Variants in MAP2K6 observed in about 807,000 individuals in gnomAD.
MAP2K6 encodes dual specificity mitogen-activated protein kinase kinase 6.
In MAP2K6, 16 loss-of-function variants were observed where a neutral mutation model predicts 53.7. That is an observed-to-expected ratio of 0.30 (90% CI 0.20 to 0.45). MAP2K6 has a LOEUF of 0.45. Ranked by LOEUF, MAP2K6 falls within the 20% of genes least tolerant of loss-of-function variation. The probability of loss-of-function intolerance (pLI) is 1.00; values close to 1 mark genes in which losing one functional copy is unlikely to be tolerated. For missense variants in MAP2K6, 204 were observed against 411.9 expected (o/e 0.50, Z 4.37); for synonymous variants, 132 against 143.1 (o/e 0.92, Z 0.55).
At chr17:69,526,731 A>C in intron 10 of MAP2K6, 22 bp downstream of exon 10, 1 of 1,606,510 alleles carries the variant, frequency 6.2e-7, no homozygotes, top group South Asian at 1.1e-5. Flanking sequence ...TCACCTCCCA[A>C]GTGTCAGTGT....
intron 2 of MAP2K6, among the ~76,000 whole-genome samples, chr17:69,514,453 A>G (rs923254257): frequency 2.0e-5 from 3 of 152,196 alleles, no homozygotes; most frequent in African/African-American, 7.2e-5. Context: ...TTAAGTTAGT[A>G]TAAGAAACTT....
intron 1 of MAP2K6, among the ~76,000 whole-genome samples, chr17:69,491,641 C>T (rs1908756689): frequency 6.6e-6 from 1 of 152,094 alleles, no homozygotes; most frequent in African/African-American, 2.4e-5. Context: ...GAGGAATAGC[C>T]ACACTGCTTT....
chr17:69,540,630 A>G (rs1315643733), intron 11 of MAP2K6, among the ~76,000 whole-genome samples: 1 of 152,218 alleles, frequency 6.6e-6, no homozygotes, highest in Non-Finnish European at 1.5e-5. Flanking sequence ...ATCACATACC[A>G]TGCTTGTTCC....
At chr17:69,432,234 A>G (rs1906486101) in intron 1 of MAP2K6, among the ~76,000 whole-genome samples, 2 of 152,260 alleles carry the variant, frequency 1.3e-5, no homozygotes, top group African/African-American at 4.8e-5. Flanking sequence ...AAGGTTACAT[A>G]CTATTGATCA....
In MAP2K6 at chr17:69,551,249, CA is replaced by C. The variant is rs1384770333; in HGVS notation, c.*9497del. 6.6e-6 allele frequency: 1 copy of C among 152,192 alleles called. No homozygotes were observed. Among genetic ancestry groups the C allele is most frequent in the East Asian group, 1.9e-4 (1 of 5,192 alleles). The allele number at this position is 152,192 out of a possible 1,614,324, so 9.4% of individuals were successfully genotyped here. A position where few individuals can be genotyped will look rare whatever the true frequency, so the allele number is the denominator to read the frequency against. ...ATCCTTTGGACAATGTTGACACAGA[CA>C]GGGGTACGGTCTGAGACTCAAGCTA... On this transcript the variant is annotated 3_prime_UTR_variant, in exon 12 of 12. Transcript: ENST00000590474.
At position 69,473,604 on chromosome 17, in the gene MAP2K6, C is replaced by T. The variant is rs1908049006; in HGVS notation, c.17-32176C>T. On this transcript the variant is annotated intron_variant, in intron 1 of 11. Coordinates refer to ENST00000590474, the MANE Select transcript of MAP2K6 (RefSeq NM_002758.4). The stretch of plus-strand genomic sequence containing the variant: ...TATTTATTTTTCAAGGTAAATTTTT[C>T]TTTAAGCATCAGTGGTAAAATTACT... Among the ~76,000 whole-genome samples, 2 of 152,002 alleles carry T rather than the reference C, an allele frequency of 1.3e-5. 1 individual carries two copies. The highest frequency in any genetic ancestry group is 4.1e-4 in the South Asian group (2 of 4,826).
At chr17:69,520,431 A>C in intron 6 of MAP2K6, 45 bp downstream of exon 6, 1 of 1,177,960 alleles carries the variant, frequency 8.5e-7, no homozygotes, top group Non-Finnish European at 1.2e-6. Context: ...GTGAGAAATA[A>C]AGTCCCTATG....
At chr17:69,512,357 T>TTTTTTTTTTTTTTTA (rs1909890552) in intron 2 of MAP2K6, among the ~76,000 whole-genome samples, 1 of 137,394 alleles carries the variant, frequency 7.3e-6, no homozygotes, top group East Asian at 2.1e-4. Context: ...TTTTTTTTTT[T>TTTTTTTTTTTTTTTA]GAGACAGAGT....
At chr17:69,478,404 A>C (rs758704791) in intron 1 of MAP2K6, among the ~76,000 whole-genome samples, 5 of 152,088 alleles carry the variant, frequency 3.3e-5, no homozygotes, top group Non-Finnish European at 7.4e-5. Flanking sequence ...GGTGGGCAGG[A>C]GTAGGGGGCT....
chr17:69,491,108 TTTCCTTCC>T (rs34072741), intron 1 of MAP2K6, among the ~76,000 whole-genome samples: 1 of 148,740 alleles, frequency 6.7e-6, no homozygotes. Context: ...CATTGTCTTT[TTTCCTTCC>T]TTCCTTCCTT....
At position 69,440,610 on chromosome 17, in the gene MAP2K6, T is replaced by A. The variant is rs559654883; in HGVS notation, c.16+25610T>A. The stretch of plus-strand genomic sequence containing the variant: ...GAGAACTTCTTTTAGCCATTTTTTT[T>A]AAAAAAACAGTAGATCTGCTGGTGA... On this transcript the variant is annotated intron_variant, in intron 1 of 11. Coordinates refer to ENST00000590474, the MANE Select transcript of MAP2K6 (RefSeq NM_002758.4). 3.9e-4 allele frequency among the ~76,000 whole-genome samples: 59 copies of A among 152,200 alleles called. 1 individual carries two copies. The highest frequency in any genetic ancestry group is 1.2e-3 in the South Asian group (6 of 4,824).
At chr17:69,535,274 C>T (rs1911295912) in intron 10 of MAP2K6, among the ~76,000 whole-genome samples, 2 of 152,160 alleles carry the variant, frequency 1.3e-5, no homozygotes. Flanking sequence ...TTACCTTTGT[C>T]ATAAACAAGT....
chr17:69,484,983 T>C (rs1908477637), intron 1 of MAP2K6, among the ~76,000 whole-genome samples: 1 of 152,032 alleles, frequency 6.6e-6, no homozygotes, highest in Admixed American at 6.6e-5. Context: ...TTTATGTGGG[T>C]GATAAAAATG....
chr17:69,436,073 AC>A (rs1906631987), intron 1 of MAP2K6, among the ~76,000 whole-genome samples: 1 of 152,192 alleles, frequency 6.6e-6, no homozygotes, highest in Admixed American at 6.5e-5. Context: ...ACTGCAAACA[AC>A]ACTTTAAAAG....
rs7222898 is a variant in MAP2K6, at chr17:69,481,144, G to A, written c.17-24636G>A. ...ACACTCATTAAAGAGTAACTCCCCA[G>A]TTTTTTCCCCCTCCTCCAGCCCCTA... On this transcript the variant is annotated intron_variant, in intron 1 of 11. Coordinates refer to ENST00000590474, the MANE Select transcript of MAP2K6 (RefSeq NM_002758.4). Among the ~76,000 whole-genome samples, 940 of 152,098 alleles carry A rather than the reference G, an allele frequency of 6.2e-3. 19 individuals carry two copies. Among genetic ancestry groups the A allele is most frequent in the African/African-American group, 0.021 (870 of 41,500 alleles).
intron 1 of MAP2K6, among the ~76,000 whole-genome samples, chr17:69,420,815 G>A (rs1221393088): frequency 6.6e-6 from 1 of 152,154 alleles, no homozygotes; most frequent in Middle Eastern, 3.2e-3. Flanking sequence ...TCTGGCAAGG[G>A]GGAGCTGATG....
chr17:69,495,617 A>G lies in MAP2K6; in HGVS notation c.17-10163A>G, dbSNP rs552622204. Among the ~76,000 whole-genome samples, 34 of 152,244 alleles carry G rather than the reference A, an allele frequency of 2.2e-4. 1 individual carries two copies. The highest frequency in any genetic ancestry group is 7.2e-4 in the Admixed American group (11 of 15,290). On this transcript the variant is annotated intron_variant, in intron 1 of 11. Coordinates refer to ENST00000590474, the MANE Select transcript of MAP2K6 (RefSeq NM_002758.4). Reference sequence around the variant, plus strand: ...CTAGCACTCAGCTTTGACAATGACCAGCTCATGGCCAATCCTATTTTATCT... The same window carrying G: ...CTAGCACTCAGCTTTGACAATGACCGGCTCATGGCCAATCCTATTTTATCT...
intron 1 of MAP2K6, among the ~76,000 whole-genome samples, chr17:69,503,255 T>A (rs1485758179): frequency 1.3e-5 from 2 of 152,242 alleles, no homozygotes; most frequent in Non-Finnish European, 2.9e-5. Flanking sequence ...CTGAAGAATC[T>A]CATCGAAAGT....
rs780237320 is a variant in MAP2K6, at chr17:69,536,117, T to G, written c.884T>G (p.Leu295Ter). The G allele has an allele frequency of 6.2e-7, 1 of 1,605,274 alleles. No homozygotes were observed. The highest frequency in any genetic ancestry group is 1.7e-5 in the Admixed American group (1 of 59,464). Residue 295 changes from leucine to a stop codon, truncating the protein, a stop_gained and splice_region_variant, in exon 11 of 12, where the codon TTA becomes TGA. Coordinates refer to ENST00000590474, the MANE Select transcript of MAP2K6 (RefSeq NM_002758.4). LOFTEE classifies it high-confidence loss of function. Reference sequence around the variant, plus strand: ...ATGATTATTTTTTTTTCTTTAAGCTTAAAGAAGAATTCCAAAGAACGGCCT... The same window carrying G: ...ATGATTATTTTTTTTTCTTTAAGCTGAAAGAAGAATTCCAAAGAACGGCCT... ...AEFVDFTSQC[L>*]KKNSKERPTY... is the part of the protein sequence containing the mutation.
Sources: gnomAD v4.1 joint callset for allele counts (sites outside exome capture counted in the v4.1 genomes callset) on GRCh38, gnomAD v4.1.1 for gene constraint, MANE v1.5 for transcripts, NCBI Gene and HGNC (gene_info 2026-07-23, HGNC 2026-07-21) for gene names.